Variants in ANKS1B observed in about 807,000 individuals in gnomAD.
ANKS1B encodes ankyrin repeat and sterile alpha motif domain containing 1B.
A neutral mutation model predicts 148.3 loss-of-function variants in ANKS1B; 36 were observed. The ratio of observed to expected loss-of-function variants is 0.24; its 90% confidence interval spans 0.19 to 0.32. The LOEUF (loss-of-function observed/expected upper bound fraction) is 0.32. Ranked by LOEUF, ANKS1B falls within the 10% of genes least tolerant of loss-of-function variation. The pLI is 1.00. For missense variants in ANKS1B, 1,157 were observed against 1,542.6 expected (o/e 0.75, Z 4.19); for synonymous variants, 542 against 560.8 (o/e 0.97, Z 0.47).
In ANKS1B at chr12:98,769,165, C is replaced by CTTTTTTTTTT. The variant is rs1182264550; in HGVS notation, c.3579+3867_3579+3876dup. On this transcript the variant is annotated intron_variant, in intron 25 of 26. Transcript: ENST00000683438. Reference sequence around the variant, plus strand: ...TTGAGGTATTATAGGGTCTTCTTTACTTTTTTTTTTTTTTTTTTTTTTTTT... The same window carrying CTTTTTTTTTT: ...TTGAGGTATTATAGGGTCTTCTTTACTTTTTTTTTTTTTTTTTTTTTTTTTTTTTTTTTTT... Among the ~76,000 whole-genome samples the CTTTTTTTTTT allele has an allele frequency of 7.5e-3, 310 of 41,232 alleles. 61 individuals are homozygous for CTTTTTTTTTT. The highest frequency in any genetic ancestry group is 0.012 in the East Asian group (9 of 780). The allele number at this position is 41,232 out of a possible 152,430, so 27.0% of individuals were successfully genotyped here. A position where few individuals can be genotyped will look rare whatever the true frequency, so the allele number is the denominator to read the frequency against.
chr12:99,736,547 A>G (rs1049517134), intron 8 of ANKS1B, among the ~76,000 whole-genome samples: 1 of 152,074 alleles, frequency 6.6e-6, no homozygotes, highest in African/African-American at 2.4e-5. Context: ...AGGAGGTGAA[A>G]GACATCTAGA....
At chr12:99,356,743 C>T (rs1211319730) in intron 12 of ANKS1B, among the ~76,000 whole-genome samples, 2 of 152,100 alleles carry the variant, frequency 1.3e-5, no homozygotes, top group Admixed American at 6.6e-5. Flanking sequence ...GTTGTTAATG[C>T]TATTAATATT....
chr12:99,100,741 G>A (rs774674341), intron 15 of ANKS1B, among the ~76,000 whole-genome samples: 1 of 152,144 alleles, frequency 6.6e-6, no homozygotes, highest in African/African-American at 2.4e-5. Context: ...TGTTGGCCAC[G>A]CTGGTCTCAA....
chr12:99,014,647 A>G (rs1465499247), intron 17 of ANKS1B, among the ~76,000 whole-genome samples: 1 of 152,232 alleles, frequency 6.6e-6, no homozygotes, highest in African/African-American at 2.4e-5. Flanking sequence ...AATATCCAGC[A>G]TCTATAAGGA....
intron 2 of ANKS1B, among the ~76,000 whole-genome samples, chr12:99,815,969 T>A (rs1361153253): frequency 6.6e-6 from 1 of 151,824 alleles, no homozygotes; most frequent in Non-Finnish European, 1.5e-5. Context: ...CTTTTTCATA[T>A]AATGACTTCT....
At chr12:99,465,847 G>A (rs186675901) in intron 10 of ANKS1B, among the ~76,000 whole-genome samples, 1 of 152,232 alleles carries the variant, frequency 6.6e-6, no homozygotes, top group East Asian at 1.9e-4. Context: ...AATAATGGGA[G>A]ACTATAACAC....
At chr12:98,943,299 C>T (rs570608939) in intron 17 of ANKS1B, among the ~76,000 whole-genome samples, 16 of 152,296 alleles carry the variant, frequency 1.1e-4, no homozygotes, top group Admixed American at 9.8e-4. Flanking sequence ...TATTTCAGTA[C>T]CTTTGTATTT....
At chr12:99,192,636 G>A (rs1197725129) in intron 14 of ANKS1B, among the ~76,000 whole-genome samples, 1 of 151,980 alleles carries the variant, frequency 6.6e-6, no homozygotes, top group East Asian at 1.9e-4. Context: ...AGAAATGAGT[G>A]GTCATAATAT....
chr12:99,727,540 A>G (rs1016458196), intron 8 of ANKS1B, among the ~76,000 whole-genome samples: 2 of 152,306 alleles, frequency 1.3e-5, no homozygotes, highest in East Asian at 1.9e-4. Context: ...GGAAAAATCA[A>G]TGTTGTGAAA....
intron 10 of ANKS1B, among the ~76,000 whole-genome samples, chr12:99,478,024 T>A (rs891289889): frequency 1.3e-5 from 2 of 152,322 alleles, no homozygotes; most frequent in African/African-American, 4.8e-5. Context: ...TTAAATATTA[T>A]GCAACACTTA....
At chr12:99,650,057 C>T (rs1242611047) in intron 9 of ANKS1B, 1 of 152,508 alleles carries the variant, frequency 6.6e-6, no homozygotes, top group African/African-American at 2.4e-5. Context: ...AAATTATCTG[C>T]TCTAATAACA....
chr12:99,125,270 C>G (rs2063999482), intron 15 of ANKS1B, among the ~76,000 whole-genome samples: 1 of 152,100 alleles, frequency 6.6e-6, no homozygotes, highest in Admixed American at 6.5e-5. Context: ...AAACATCTAC[C>G]ATGTGCCAAA....
intron 11 of ANKS1B, among the ~76,000 whole-genome samples, chr12:99,418,929 T>G: frequency 6.6e-6 from 1 of 151,762 alleles, no homozygotes; most frequent in South Asian, 2.1e-4. Flanking sequence ...GTGGATTTTC[T>G]TCTTTATTGA....
intron 1 of ANKS1B, among the ~76,000 whole-genome samples, chr12:99,826,764 T>G (rs1452357264): frequency 6.6e-6 from 1 of 151,980 alleles, no homozygotes; most frequent in Non-Finnish European, 1.5e-5. Flanking sequence ...ATTCTAAAAT[T>G]CATATGAAAC....
chr12:99,890,570 GGTGTGTGTGTGTGTGTGTGTGT>G (rs10603901), intron 1 of ANKS1B, among the ~76,000 whole-genome samples: 158 of 138,024 alleles, frequency 1.1e-3, no homozygotes, highest in East Asian at 1.9e-3. Flanking sequence ...TCGCATTCAT[GGTGTGTGTGTGTGTGTGTGTGT>G]GTGTGTGTGT....
intron 15 of ANKS1B, among the ~76,000 whole-genome samples, chr12:99,137,813 T>C (rs1016482919): frequency 6.6e-6 from 1 of 152,096 alleles, no homozygotes; most frequent in African/African-American, 2.4e-5. Context: ...TTCCTATCAC[T>C]CAGCCCTTTC....
intron 16 of ANKS1B, among the ~76,000 whole-genome samples, chr12:99,055,579 G>A (rs1486117431): frequency 7.1e-6 from 1 of 140,218 alleles, no homozygotes; most frequent in Admixed American, 7.0e-5. Flanking sequence ...AAGAATCAGG[G>A]AACCCATGAC....
At chr12:99,157,141 T>C (rs1299191548) in intron 14 of ANKS1B, among the ~76,000 whole-genome samples, 2 of 152,184 alleles carry the variant, frequency 1.3e-5, no homozygotes, top group African/African-American at 4.8e-5. Flanking sequence ...TAGTAGTTTA[T>C]GAATCAATTT....
chr12:99,573,777 G>T (rs1164961145), intron 9 of ANKS1B, among the ~76,000 whole-genome samples: 3 of 151,808 alleles, frequency 2.0e-5, no homozygotes, highest in Non-Finnish European at 4.4e-5. Flanking sequence ...CTTGTATCAG[G>T]ATGTATATAC....
Sources: allele counts gnomAD v4.1 joint callset (sites outside exome capture counted in the v4.1 genomes callset), GRCh38; gene constraint gnomAD v4.1.1; transcripts MANE v1.5; gene names NCBI Gene and HGNC (gene_info 2026-07-23, HGNC 2026-07-21).